DIAPH3: variants seen among roughly 807,000 people sequenced by gnomAD.
The protein encoded by DIAPH3 is diaphanous related formin 3, also known as protein diaphanous homolog 3.
DIAPH3 carries 117 observed loss-of-function variants against 144.3 expected under a neutral mutation model. The observed-to-expected ratio is 0.81, with a 90% CI of 0.70 to 0.95. The LOEUF is 0.95. DIAPH3 is among the 40% of genes least tolerant of loss of function. The pLI is 0.00. For synonymous variants in DIAPH3, 519 were observed against 488.9 expected (o/e 1.06, Z -0.81); for missense variants, 1,421 against 1,412.7 (o/e 1.01, Z -0.09).
At chr13:59,912,421 G>GAC (rs1305137159) in intron 19 of DIAPH3, among the ~76,000 whole-genome samples, 1 of 152,098 alleles carries the variant, frequency 6.6e-6, no homozygotes, top group African/African-American at 2.4e-5. Flanking sequence ...AGGTGTTGAA[G>GAC]ACACATGATG....
At chr13:59,682,402 G>A (rs1318535710) in intron 27 of DIAPH3, among the ~76,000 whole-genome samples, 2 of 152,110 alleles carry the variant, frequency 1.3e-5, no homozygotes, top group East Asian at 3.9e-4. Flanking sequence ...GCTCACTGTA[G>A]CCTCAAAATC....
At chr13:59,837,729 T>C (rs779980484) in intron 23 of DIAPH3, 1 of 145,614 alleles carries the variant, frequency 6.9e-6, no homozygotes, top group East Asian at 2.0e-4. Context: ...GAGAAGGTAG[T>C]ACAAAAAAAT....
At chr13:60,007,005 C>T (rs901777844) in intron 9 of DIAPH3, among the ~76,000 whole-genome samples, 2 of 152,150 alleles carry the variant, frequency 1.3e-5, no homozygotes, top group Admixed American at 1.3e-4. Context: ...ACACTGTCAT[C>T]TGAAATGTCA....
At chr13:59,667,827 C>T (rs2138572481) in intron 27 of DIAPH3, among the ~76,000 whole-genome samples, 1 of 152,284 alleles carries the variant, frequency 6.6e-6, no homozygotes, top group South Asian at 2.1e-4. Flanking sequence ...GAGAGATGTT[C>T]CATTGTCCCA....
At chr13:59,898,594 T>C (rs1368383488) in intron 20 of DIAPH3, among the ~76,000 whole-genome samples, 1 of 152,224 alleles carries the variant, frequency 6.6e-6, no homozygotes, top group Non-Finnish European at 1.5e-5. Flanking sequence ...TATTCATTCA[T>C]CAATATTTAT....
chr13:59,763,833 CT>C (rs1457157168), intron 27 of DIAPH3, among the ~76,000 whole-genome samples: 2 of 151,974 alleles, frequency 1.3e-5, no homozygotes, highest in East Asian at 1.9e-4. Flanking sequence ...CAAATGTTAG[CT>C]AATGAATCTG....
Position 60,024,310 on chromosome 13 carries a change from G to C in DIAPH3, c.627-8165C>G, listed in dbSNP as rs544377130. On this transcript the variant is annotated intron_variant, in intron 5 of 27. Transcript: ENST00000400324. ...CAATCTATTTTTTCCTGGTGGTCCA[G>C]ACTATATACTTTCTATCATTCTATA... 1.1e-3 allele frequency among the ~76,000 whole-genome samples: 164 copies of C among 152,176 alleles called. 1 individual carries two copies. Among genetic ancestry groups the C allele is most frequent in the South Asian group, 8.7e-3 (42 of 4,810 alleles).
intron 2 of DIAPH3, among the ~76,000 whole-genome samples, chr13:60,119,298 ACAGCCATGT>A (rs2138127944): frequency 6.6e-6 from 1 of 152,310 alleles, no homozygotes; most frequent in Admixed American, 6.5e-5. Context: ...TTTCTTGCCA[ACAGCCATGT>A]GAGTGAGCCA....
rs574641696 is a variant in DIAPH3, at chr13:60,046,963, G to A, written c.496-4143C>T. ...CATAGGGAGGGGAACTTCACATACC[G>A]GGGCTTTTCGGGGGGTTGGGGGGCT... On this transcript the variant is annotated intron_variant, in intron 4 of 27. Coordinates refer to ENST00000400324, the MANE Select transcript of DIAPH3 (RefSeq NM_001042517.2). Among the ~76,000 whole-genome samples the A allele has an allele frequency of 3.0e-3, 463 of 152,058 alleles. 4 individuals carry two copies. Among genetic ancestry groups the A allele is most frequent in the Middle Eastern group, 3.4e-3 (1 of 294 alleles).
intron 1 of DIAPH3, among the ~76,000 whole-genome samples, chr13:60,156,155 T>C: frequency 6.6e-6 from 1 of 152,206 alleles, no homozygotes; most frequent in Non-Finnish European, 1.5e-5. Context: ...CTCTTCCAGC[T>C]TCAGATGGCT....
chr13:60,105,724 T>C (rs547082653), intron 3 of DIAPH3, among the ~76,000 whole-genome samples: 1 of 152,322 alleles, frequency 6.6e-6, no homozygotes, highest in African/African-American at 2.4e-5. Flanking sequence ...CAAGCCTTAA[T>C]ACACTTTTTT....
chr13:59,829,996 T>C (rs1213869954), intron 24 of DIAPH3, among the ~76,000 whole-genome samples: 2 of 151,948 alleles, frequency 1.3e-5, no homozygotes, highest in African/African-American at 2.4e-5. Flanking sequence ...GGAAACATTT[T>C]AACAGTACTT....
intron 25 of DIAPH3, among the ~76,000 whole-genome samples, chr13:59,798,487 A>T (rs1446448796): frequency 1.3e-5 from 2 of 152,192 alleles, no homozygotes; most frequent in Admixed American, 6.5e-5. Flanking sequence ...CTGTATCTGA[A>T]TTTACTTAGC....
chr13:59,943,900 T>C (rs2048670487), intron 17 of DIAPH3, among the ~76,000 whole-genome samples: 1 of 152,078 alleles, frequency 6.6e-6, no homozygotes, highest in Non-Finnish European at 1.5e-5. Flanking sequence ...TACTATTTCC[T>C]TGAGGCCAAC....
At chr13:59,779,832 T>C (rs73541177) in intron 25 of DIAPH3, among the ~76,000 whole-genome samples, 1,949 of 152,162 alleles carry the variant, frequency 0.013, 60 homozygotes, top group African/African-American at 0.044. Context: ...TCTTTTATAG[T>C]GTATTCTATT....
intron 4 of DIAPH3, among the ~76,000 whole-genome samples, chr13:60,049,636 C>T (rs1279927470): frequency 6.6e-6 from 1 of 152,194 alleles, no homozygotes; most frequent in African/African-American, 2.4e-5. Flanking sequence ...TTTCATAACT[C>T]TTACTCTGTA....
chr13:59,747,246 C>T (rs933614574), intron 27 of DIAPH3, among the ~76,000 whole-genome samples: 1 of 152,030 alleles, frequency 6.6e-6, no homozygotes, highest in African/African-American at 2.4e-5. Flanking sequence ...AACATGTGCA[C>T]TTAGGGAAGG....
At chr13:59,948,840 AGAAGGAAGGAAGGAAGGAAGGAAG>A (rs202029127) in intron 17 of DIAPH3, among the ~76,000 whole-genome samples, 2,763 of 133,558 alleles carry the variant, frequency 0.021, 35 homozygotes, top group Non-Finnish European at 0.024. Context: ...ATAAAAAGAA[AGAAGGAAGGAAGGAAGGAAGGAAG>A]GAAGGAAGGA....
intron 4 of DIAPH3, among the ~76,000 whole-genome samples, chr13:60,051,850 T>C (rs1216842852): frequency 6.6e-6 from 1 of 152,170 alleles, no homozygotes; most frequent in Non-Finnish European, 1.5e-5. Context: ...AAAGCAGCCA[T>C]ATAATCAACT....
Sources: gnomAD v4.1 joint callset for allele counts (sites outside exome capture counted in the v4.1 genomes callset) on GRCh38, gnomAD v4.1.1 for gene constraint, MANE v1.5 for transcripts, NCBI Gene and HGNC (gene_info 2026-07-23, HGNC 2026-07-21) for gene names.